The following ASXL2 variants were observed in gnomAD, a reference collection of about 807,000 sequenced individuals.
ASXL2 encodes the protein putative Polycomb group protein ASXL2.
In ASXL2, 23 loss-of-function variants were observed where a neutral mutation model predicts 122.0. That is an observed-to-expected ratio of 0.19 (90% confidence interval 0.14 to 0.27). The LOEUF is 0.27. Ranked by LOEUF, ASXL2 falls within the 10% of genes least tolerant of loss-of-function variation. The pLI is 1.00. For synonymous variants in ASXL2, 650 were observed against 637.0 expected (o/e 1.02, Z -0.31); for missense variants, 1,518 against 1,713.8 (o/e 0.89, Z 2.02).
intron 5 of ASXL2, among the ~76,000 whole-genome samples, chr2:25,776,759 A>T (rs2088553422): frequency 6.6e-6 from 1 of 152,178 alleles, no homozygotes; most frequent in Non-Finnish European, 1.5e-5. Flanking sequence ...CAGAAATCTC[A>T]AGACTATACA....
Position 25,742,592 on chromosome 2 carries a change from G to A in ASXL2, c.3745C>T (p.Leu1249=), listed in dbSNP as rs2087850512. 6.2e-7 allele frequency: 1 copy of A among 1,613,816 alleles called. No individual in the cohort carries two copies. Residue 1249 remains leucine (L), a synonymous_variant, in exon 13 of 13, where the codon CTG becomes TTG. Coordinates refer to ENST00000435504, the MANE Select transcript of ASXL2 (RefSeq NM_018263.6). ...TCAAATGTTTGGCCTCTAGTGAACA[G>A]GTAATTCTCCTTACTTAAAGTGGTT... ...EQTTLSKENY[L]FTRGQTFDEK...
chr2:25,822,875 A>C (rs2089328573), intron 3 of ASXL2: 1 of 549,912 alleles, frequency 1.8e-6, no homozygotes, highest in Non-Finnish European at 3.7e-6. Context: ...AAGAGGATGC[A>C]GATTGACCAG....
intron 12 of ASXL2, 63 bp downstream of exon 12, chr2:25,749,633 G>T: frequency 7.5e-7 from 1 of 1,330,938 alleles, no homozygotes. Flanking sequence ...AAATTTAGTA[G>T]GTATGACCAA....
intron 12 of ASXL2, among the ~76,000 whole-genome samples, chr2:25,748,255 T>C (rs1044762942): frequency 6.6e-6 from 1 of 151,010 alleles, no homozygotes; most frequent in Non-Finnish European, 1.5e-5. Context: ...TCCCAGCACT[T>C]TGGGAGGCAG....
In ASXL2 at chr2:25,767,572, A is replaced by G; in HGVS notation, c.775+11T>C. The G allele has an allele frequency of 6.2e-7, 1 of 1,607,816 alleles. No individual in the cohort carries two copies. The highest frequency in any genetic ancestry group is 8.5e-7 in the Non-Finnish European group (1 of 1,177,178). On this transcript the variant is annotated intron_variant, in intron 8 of 12. Coordinates refer to ENST00000435504, the MANE Select transcript of ASXL2 (RefSeq NM_018263.6). ...GGCAATGAAAACTGAAGTCTTTGTA[A>G]GCAAACTTACTGGTATGGAGTCTCT... is the stretch of plus-strand genomic sequence containing the variant.
chr2:25,742,204 T>C lies in ASXL2; in HGVS notation c.4133A>G (p.His1378Arg), dbSNP rs776705808. The change falls in exon 13 of 13, where the codon CAT becomes CGT. Residue 1378 changes from histidine (H) to arginine (R), a missense_variant. By Grantham distance (29) the His-to-Arg change is conservative. Around this residue, in one of 8 missense-constraint regions of ASXL2, gnomAD observed 831 missense variants for 833.1 expected, o/e 1.00. Transcript: ENST00000435504. ...CGCCTGAACAGGAATGGTCTGGCCA[T>C]GGCTGCTGGGATTCATAGCTTGGCT... ...PASQAMNPSS[H>R]GQTIPVQAFS... 4 of 1,613,890 alleles carry C rather than the reference T, an allele frequency of 2.5e-6. No individual in the cohort carries two copies. The highest frequency in any genetic ancestry group is 3.4e-6 in the Non-Finnish European group (4 of 1,179,892).
intron 1 of ASXL2, among the ~76,000 whole-genome samples, chr2:25,849,061 T>TTATATA (rs751570430): frequency 3.0e-4 from 2 of 6,750 alleles, no homozygotes; most frequent in Non-Finnish European, 3.1e-4. Context: ...AAAAAAAAAT[T>TTATATA]TACATATATA....
intron 5 of ASXL2, among the ~76,000 whole-genome samples, chr2:25,797,318 G>A (rs1046509871): frequency 4.0e-5 from 6 of 151,876 alleles, no homozygotes; most frequent in African/African-American, 7.3e-5. Flanking sequence ...GGTGGCGGGC[G>A]CCTGTAATCC....
intron 3 of ASXL2, among the ~76,000 whole-genome samples, chr2:25,831,459 C>T (rs967564004): frequency 3.3e-5 from 5 of 152,026 alleles, no homozygotes; most frequent in African/African-American, 9.7e-5. Context: ...TCAGGTATTG[C>T]GCTGGGCAAC....
chr2:25,784,103 A>G (rs1027057335), intron 5 of ASXL2, among the ~76,000 whole-genome samples: 6 of 150,934 alleles, frequency 4.0e-5, no homozygotes, highest in Non-Finnish European at 8.9e-5. Flanking sequence ...ATAAATATAA[A>G]GTTAGCCAGG....
intron 5 of ASXL2, among the ~76,000 whole-genome samples, chr2:25,777,644 TTA>T (rs778651304): frequency 6.6e-6 from 1 of 152,172 alleles, no homozygotes; most frequent in Non-Finnish European, 1.5e-5. Flanking sequence ...AACTTCTGTC[TTA>T]TAATTCCTTT....
At chr2:25,838,461 T>C (rs1252593905) in intron 2 of ASXL2, among the ~76,000 whole-genome samples, 2 of 152,238 alleles carry the variant, frequency 1.3e-5, no homozygotes, top group Admixed American at 6.5e-5. Flanking sequence ...TAGAAGTGTA[T>C]AGCTCAGAGA....
At chr2:25,757,095 G>A (rs1258992440) in intron 9 of ASXL2, among the ~76,000 whole-genome samples, 6 of 152,132 alleles carry the variant, frequency 3.9e-5, no homozygotes, top group Non-Finnish European at 7.4e-5. Context: ...TATTGAAGGA[G>A]AGGGTTTTGA....
chr2:25,756,745 T>C (rs565117860), intron 9 of ASXL2, among the ~76,000 whole-genome samples: 24 of 152,338 alleles, frequency 1.6e-4, no homozygotes, highest in African/African-American at 5.5e-4. Flanking sequence ...ACTCTGCCAC[T>C]GTAGCACAAA....
At chr2:25,762,002 T>G (rs1559503661) in intron 8 of ASXL2, among the ~76,000 whole-genome samples, 1 of 152,122 alleles carries the variant, frequency 6.6e-6, no homozygotes, top group East Asian at 1.9e-4. Context: ...AATAATAGTA[T>G]TCTAGTGTCT....
intron 1 of ASXL2, among the ~76,000 whole-genome samples, chr2:25,865,168 C>T (rs1343128116): frequency 1.3e-5 from 2 of 151,380 alleles, no homozygotes; most frequent in African/African-American, 4.9e-5. Context: ...TGGTGGCTCA[C>T]GCTTGTAATG....
intron 1 of ASXL2, among the ~76,000 whole-genome samples, chr2:25,851,258 A>G (rs2089713999): frequency 1.3e-5 from 2 of 152,194 alleles, no homozygotes; most frequent in Admixed American, 6.5e-5. Flanking sequence ...AGGTGATTTG[A>G]TTTCTGTTTC....
rs542074558 is a variant in ASXL2, at chr2:25,812,360, T to C, written c.144-6023A>G. 7.9e-5 allele frequency among the ~76,000 whole-genome samples: 12 copies of C among 152,036 alleles called. No individual in the cohort carries two copies. The South Asian group carries it at 2.5e-3, about 32-fold the overall frequency. Reference sequence around the variant, plus strand: ...CTGTAATCCCAGCTACTCGGAAGGCTGAGGCAGGAGAATCTCTTGAAACTG... The same window carrying C: ...CTGTAATCCCAGCTACTCGGAAGGCCGAGGCAGGAGAATCTCTTGAAACTG... On this transcript the variant is annotated intron_variant, in intron 3 of 12. Coordinates refer to ENST00000435504, the MANE Select transcript of ASXL2 (RefSeq NM_018263.6).
At chr2:25,770,216 AT>A (rs1006859272) in intron 6 of ASXL2, among the ~76,000 whole-genome samples, 97 of 150,238 alleles carry the variant, frequency 6.5e-4, no homozygotes, top group African/African-American at 1.4e-3. Flanking sequence ...TTATTATTTA[AT>A]TTTTTTTTTC....
Sources: gnomAD v4.1 joint callset for allele counts (sites outside exome capture counted in the v4.1 genomes callset) on GRCh38, gnomAD v4.1.1 for gene constraint, gnomAD v4.1.1 regional missense constraint, MANE v1.5 for transcripts, NCBI Gene and HGNC (gene_info 2026-07-23, HGNC 2026-07-21) for gene names.